The following DROSHA variants were observed in gnomAD, a reference collection of about 807,000 sequenced individuals.
The protein encoded by DROSHA is ribonuclease 3.
A neutral mutation model predicts 181.9 loss-of-function variants in DROSHA; 56 were observed. The observed-to-expected ratio is 0.31, with a 90% CI of 0.25 to 0.38. The LOEUF (loss-of-function observed/expected upper bound fraction) is 0.38. DROSHA is among the 10% of genes least tolerant of loss of function. DROSHA has a pLI of 1.00. For synonymous variants in DROSHA, 524 were observed against 591.2 expected (o/e 0.89, Z 1.65); for missense variants, 1,218 against 1,743.5 (o/e 0.70, Z 5.37).
intron 4 of DROSHA, among the ~76,000 whole-genome samples, chr5:31,527,958 GC>G (rs1740794627): frequency 6.6e-6 from 1 of 152,016 alleles, no homozygotes; most frequent in African/African-American, 2.4e-5. Context: ...CAATCACCTT[GC>G]TTGATCTCTG....
At chr5:31,474,397 C>CT (rs1253464073) in intron 16 of DROSHA, among the ~76,000 whole-genome samples, 1 of 151,896 alleles carries the variant, frequency 6.6e-6, no homozygotes, top group Non-Finnish European at 1.5e-5. Flanking sequence ...TTCAGGGTCT[C>CT]TGTCATCCAG....
At chr5:31,474,664 T>C (rs567318499) in intron 16 of DROSHA, among the ~76,000 whole-genome samples, 14 of 152,122 alleles carry the variant, frequency 9.2e-5, no homozygotes, top group African/African-American at 2.9e-4. Context: ...CACCCAGCCA[T>C]ATATTAAAAT....
intron 10 of DROSHA, among the ~76,000 whole-genome samples, chr5:31,507,888 T>C (rs1218094307): frequency 6.6e-6 from 1 of 152,176 alleles, no homozygotes; most frequent in Non-Finnish European, 1.5e-5. Flanking sequence ...ACAAAATACA[T>C]TTCTGCCAGA....
intron 13 of DROSHA, among the ~76,000 whole-genome samples, chr5:31,487,419 T>C (rs115735871): frequency 6.6e-6 from 1 of 152,336 alleles, no homozygotes; most frequent in African/African-American, 2.4e-5. Flanking sequence ...AATTGCCTAC[T>C]GCCTACACAT....
chr5:31,452,893 G>A (rs746371065), intron 20 of DROSHA, among the ~76,000 whole-genome samples: 5 of 152,054 alleles, frequency 3.3e-5, no homozygotes, highest in Admixed American at 1.3e-4. Flanking sequence ...TTGAATTATC[G>A]GCACTTTATC....
intron 11 of DROSHA, among the ~76,000 whole-genome samples, chr5:31,502,476 C>T (rs529935342): frequency 2.0e-5 from 3 of 152,330 alleles, no homozygotes; most frequent in Non-Finnish European, 4.4e-5. Flanking sequence ...CCAAGAGATA[C>T]CAGATACACA....
chr5:31,407,481 T>A (rs941597967), intron 33 of DROSHA, among the ~76,000 whole-genome samples: 1 of 152,194 alleles, frequency 6.6e-6, no homozygotes, highest in Non-Finnish European at 1.5e-5. Context: ...TACGCTATAA[T>A]GCCAAGTACA....
At chr5:31,525,942 A>T (rs2150063847) in intron 5 of DROSHA, 137 bp downstream of exon 5, 1 of 899,004 alleles carries the variant, frequency 1.1e-6, no homozygotes, top group East Asian at 2.7e-5. Flanking sequence ...TCTTGAAAAC[A>T]GAGTCCAAAA....
At position 31,515,571 on chromosome 5, in the gene DROSHA, G is replaced by C. The variant is rs989033260; in HGVS notation, c.948-7C>G. The C allele has an allele frequency of 1.3e-6, 2 of 1,551,026 alleles. No individual in the cohort carries two copies. The highest frequency in any genetic ancestry group is 1.7e-6 in the Non-Finnish European group (2 of 1,146,772). On this transcript the variant is annotated splice_polypyrimidine_tract_variant and splice_region_variant and intron_variant, in intron 6 of 35. Transcript: ENST00000344624. ...AACCGATAAACCGTAACTCCTAAAA[G>C]AAAAAGATATTTGCAAAATGTTTGG...
chr5:31,490,195 T>G (rs1355716540), intron 13 of DROSHA, among the ~76,000 whole-genome samples: 1 of 150,994 alleles, frequency 6.6e-6, no homozygotes, highest in African/African-American at 2.4e-5. Flanking sequence ...TTTTTTTTTT[T>G]TTTTAAGAGA....
intron 13 of DROSHA, among the ~76,000 whole-genome samples, chr5:31,488,138 C>T (rs1030003964): frequency 3.9e-5 from 6 of 151,956 alleles, no homozygotes; most frequent in African/African-American, 1.2e-4. Context: ...GAGGAGGGGC[C>T]GGGCACGGTG....
intron 13 of DROSHA, among the ~76,000 whole-genome samples, chr5:31,491,490 G>T (rs539839124): frequency 6.6e-6 from 1 of 152,182 alleles, no homozygotes; most frequent in South Asian, 2.1e-4. Context: ...GATCCTAAAA[G>T]TCAAAATAAG....
In DROSHA at chr5:31,530,836, C is replaced by A. The variant is rs1246268085; in HGVS notation, c.-85G>T. Reference sequence around the variant, plus strand: ...ATATCATAGTGAAGTATGCACACGTCTAACTCTTCCACTAGATTATCAGCT... The same window carrying A: ...ATATCATAGTGAAGTATGCACACGTATAACTCTTCCACTAGATTATCAGCT... On this transcript the variant is annotated 5_prime_UTR_variant, in exon 3 of 36. Transcript: ENST00000344624. 2.5e-6 allele frequency: 1 copy of A among 398,530 alleles called. No homozygotes were observed. Among genetic ancestry groups the A allele is most frequent in the Non-Finnish European group, 4.4e-6 (1 of 226,054 alleles). The allele number at this position is 398,530 out of a possible 1,614,324, so 24.7% of individuals were successfully genotyped here. A position where few individuals can be genotyped will look rare whatever the true frequency, so the allele number is the denominator to read the frequency against.
chr5:31,436,783 C>CAT (rs1274366057), intron 24 of DROSHA, among the ~76,000 whole-genome samples: 3 of 130,522 alleles, frequency 2.3e-5, no homozygotes, highest in Non-Finnish European at 4.9e-5. Context: ...CACACACACA[C>CAT]ACACACACAC....
chr5:31,433,480 G>T (rs562334004), intron 25 of DROSHA, among the ~76,000 whole-genome samples: 1 of 152,208 alleles, frequency 6.6e-6, no homozygotes, highest in Non-Finnish European at 1.5e-5. Flanking sequence ...GCTGTGATGT[G>T]AATTTCCTGA....
Position 31,504,759 on chromosome 5 carries a change from G to A in DROSHA, c.1588-124C>T, listed in dbSNP as rs533477698. 27 of 922,438 alleles carry A rather than the reference G, an allele frequency of 2.9e-5. No individual in the cohort carries two copies. The Admixed American group carries it at 4.7e-4, about 16-fold the overall frequency. 57.1% of individuals were successfully genotyped at this position (922,438 alleles called of 1,614,324 possible). On this transcript the variant is annotated intron_variant, in intron 10 of 35. Coordinates refer to ENST00000344624, the MANE Select transcript of DROSHA (RefSeq NM_001382508.1). Reference sequence around the variant, plus strand: ...GCTGAAGCTCTGAGAGGCTGTCACGGTTAGAAGATTAAACGGATGTTCCAA... The same window carrying A: ...GCTGAAGCTCTGAGAGGCTGTCACGATTAGAAGATTAAACGGATGTTCCAA...
At position 31,472,172 on chromosome 5, in the gene DROSHA, T is replaced by C. The variant is rs1255842575; in HGVS notation, c.2132A>G (p.Lys711Arg). The change falls in exon 17 of 36, where the codon AAA becomes AGA. Residue 711 changes from lysine to arginine, a missense_variant. Lys to Arg is a conservative substitution (Grantham distance 26). Coordinates refer to ENST00000344624, the MANE Select transcript of DROSHA (RefSeq NM_001382508.1). Reference protein sequence around the residue: ...QILLYLLRCSKALVPEEEIAN... With the variant: ...QILLYLLRCSRALVPEEEIAN... ...AATCTCCTCCTCAGGCACCAGGGCT[T>C]TGCTGCACCTTAACAAGTACAGGAG... 1.9e-6 allele frequency: 3 copies of C among 1,613,942 alleles called. No homozygotes were observed. The highest frequency in any genetic ancestry group is 2.2e-5 in the South Asian group (2 of 91,064).
At chr5:31,487,121 T>A (rs1751877166) in intron 13 of DROSHA, among the ~76,000 whole-genome samples, 1 of 152,190 alleles carries the variant, frequency 6.6e-6, no homozygotes, top group Non-Finnish European at 1.5e-5. Flanking sequence ...CCCAAATGCT[T>A]CACAATATTC....
Position 31,414,151 on chromosome 5 carries a change from A to G in DROSHA, c.3526-3264T>C, listed in dbSNP as rs532996232. Among the ~76,000 whole-genome samples, 13 of 152,298 alleles carry G rather than the reference A, an allele frequency of 8.5e-5. No individual in the cohort carries two copies. In the East Asian group the frequency reaches 2.5e-3, roughly 29 times the overall value. The stretch of plus-strand genomic sequence containing the variant: ...TGGCAGGTGATGTGAAGAAGACTGC[A>G]CTTTCCTGTAGGGGAAGGGGAATCC... On this transcript the variant is annotated intron_variant, in intron 30 of 35. Coordinates refer to ENST00000344624, the MANE Select transcript of DROSHA (RefSeq NM_001382508.1).
Sources: gnomAD v4.1 joint callset for allele counts (sites outside exome capture counted in the v4.1 genomes callset) on GRCh38, gnomAD v4.1.1 for gene constraint, MANE v1.5 for transcripts, NCBI Gene and HGNC (gene_info 2026-07-23, HGNC 2026-07-21) for gene names.